MLLT10: variants seen among roughly 807,000 people sequenced by gnomAD.
MLLT10 encodes the protein protein AF-10.
In MLLT10, 30 loss-of-function variants were observed where a neutral mutation model predicts 129.1. The observed-to-expected ratio is 0.23, with a 90% confidence interval of 0.17 to 0.32. MLLT10 has a LOEUF of 0.32. Ranked by LOEUF, MLLT10 falls within the 10% of genes least tolerant of loss-of-function variation. MLLT10 has a pLI of 1.00. For synonymous variants in MLLT10, 490 were observed against 446.4 expected (o/e 1.10, Z -1.23); for missense variants, 1,119 against 1,268.3 (o/e 0.88, Z 1.79).
intron 3 of MLLT10, among the ~76,000 whole-genome samples, chr10:21,547,913 T>C (rs1475337314): frequency 6.6e-6 from 1 of 152,220 alleles, no homozygotes; most frequent in East Asian, 1.9e-4. Context: ...ACTCATGTTT[T>C]TGTTCAATCT....
chr10:21,553,718 T>G (rs1277306122), intron 3 of MLLT10, among the ~76,000 whole-genome samples: 1 of 150,324 alleles, frequency 6.7e-6, no homozygotes, highest in Non-Finnish European at 1.5e-5. Flanking sequence ...GACGTGATCT[T>G]GGCTCACTGC....
intron 3 of MLLT10, among the ~76,000 whole-genome samples, chr10:21,539,467 A>T (rs2034692607): frequency 6.7e-6 from 1 of 149,340 alleles, no homozygotes; most frequent in African/African-American, 2.5e-5. Flanking sequence ...GAACTTTTCT[A>T]AACCTCTTAT....
At chr10:21,649,988 C>G (rs1423956326) in intron 8 of MLLT10, among the ~76,000 whole-genome samples, 2 of 152,072 alleles carry the variant, frequency 1.3e-5, no homozygotes, top group Non-Finnish European at 2.9e-5. Context: ...CCTAAAAAGT[C>G]TGAATTAGAA....
chr10:21,682,646 A>T (rs563197907), intron 13 of MLLT10, among the ~76,000 whole-genome samples: 1 of 152,276 alleles, frequency 6.6e-6, no homozygotes, highest in African/African-American at 2.4e-5. Flanking sequence ...GTTTATTAAT[A>T]TATAGAATAC....
chr10:21,548,069 T>C (rs2061954851), intron 3 of MLLT10, among the ~76,000 whole-genome samples: 1 of 152,114 alleles, frequency 6.6e-6, no homozygotes, highest in African/African-American at 2.4e-5. Flanking sequence ...TTTTGCTCTC[T>C]TGGAAGCTAG....
At chr10:21,642,933 A>T (rs2048157487) in intron 8 of MLLT10, among the ~76,000 whole-genome samples, 1 of 152,150 alleles carries the variant, frequency 6.6e-6, no homozygotes, top group Non-Finnish European at 1.5e-5. Flanking sequence ...TTTTAATTAC[A>T]TGTGTCAGAT....
intron 8 of MLLT10, among the ~76,000 whole-genome samples, chr10:21,629,247 CATT>C (rs1443366267): frequency 6.6e-6 from 1 of 151,918 alleles, no homozygotes; most frequent in African/African-American, 2.4e-5. Flanking sequence ...CACACGGTAT[CATT>C]TTCTTTTTCT....
intron 14 of MLLT10, 108 bp downstream of exon 14, chr10:21,714,058 TG>T: frequency 4.6e-6 from 4 of 869,906 alleles, no homozygotes; most frequent in Non-Finnish European, 3.4e-6. Flanking sequence ...TAGGAATTTA[TG>T]AAATACCTCA....
At chr10:21,659,663 A>G (rs772059569) in intron 9 of MLLT10, among the ~76,000 whole-genome samples, 2 of 151,956 alleles carry the variant, frequency 1.3e-5, no homozygotes, top group Non-Finnish European at 2.9e-5. Flanking sequence ...GGTGCCCACC[A>G]CCACGCCTGG....
intron 3 of MLLT10, among the ~76,000 whole-genome samples, chr10:21,570,212 TTGTGTG>T (rs528760884): frequency 1.4e-5 from 2 of 147,846 alleles, no homozygotes; most frequent in South Asian, 2.2e-4. Flanking sequence ...CCAGGCCAAT[TTGTGTG>T]TGTGTGTGTG....
intron 13 of MLLT10, among the ~76,000 whole-genome samples, chr10:21,701,360 G>C (rs562679738): frequency 6.7e-6 from 1 of 149,584 alleles, no homozygotes; most frequent in African/African-American, 2.5e-5. Context: ...GCTGATTTTG[G>C]GTTTGATTTG....
At chr10:21,642,105 C>G (rs2049122069) in intron 8 of MLLT10, among the ~76,000 whole-genome samples, 1 of 152,190 alleles carries the variant, frequency 6.6e-6, no homozygotes, top group Non-Finnish European at 1.5e-5. Context: ...AATCCCAGCA[C>G]TTTGGGAGGC....
rs35036202 is a variant in MLLT10 at position 21,726,681 on chromosome 10, C to CTTTTTTTTTTTTTT, written c.1990+338_1990+351dup. Among the ~76,000 whole-genome samples the CTTTTTTTTTTTTTT allele has an allele frequency of 3.1e-4, 27 of 87,586 alleles. 1 individual carries two copies. The highest frequency in any genetic ancestry group is 1.1e-3 in the African/African-American group (25 of 22,900). The allele number at this position is 87,586 out of a possible 152,430, so 57.5% of individuals were successfully genotyped here. On this transcript the variant is annotated intron_variant, in intron 15 of 22. Coordinates refer to ENST00000307729, the MANE Select transcript of MLLT10 (RefSeq NM_001195626.3). Reference sequence around the variant, plus strand: ...TGCTGTGCTGCAAAATAGCAATGTCCTTTTTTTTTTTTTTTTTTTTTTTTT... The same window carrying CTTTTTTTTTTTTTT: ...TGCTGTGCTGCAAAATAGCAATGTCCTTTTTTTTTTTTTTTTTTTTTTTTTTTTTTTTTTTTTTT...
chr10:21,583,074 G>A (rs932527867), intron 3 of MLLT10, among the ~76,000 whole-genome samples: 2 of 152,174 alleles, frequency 1.3e-5, no homozygotes, highest in African/African-American at 2.4e-5. Context: ...GGAGGCTGAG[G>A]CAGGAGAATT....
intron 5 of MLLT10, among the ~76,000 whole-genome samples, chr10:21,609,353 G>A (rs1347464747): frequency 2.6e-5 from 4 of 152,184 alleles, no homozygotes; most frequent in Admixed American, 6.5e-5. Context: ...TGACCGTTAG[G>A]TATGAATGTG....
At chr10:21,669,089 G>T in intron 9 of MLLT10, 1 of 1,304,880 alleles carries the variant, frequency 7.7e-7, no homozygotes, top group African/African-American at 1.5e-5. Flanking sequence ...AATGTAATTG[G>T]TTTGTAAAAT....
chr10:21,740,590 C>T (rs1490869920), intron 22 of MLLT10, among the ~76,000 whole-genome samples: 1 of 152,124 alleles, frequency 6.6e-6, no homozygotes, highest in Admixed American at 6.5e-5. Context: ...TATTTTACTC[C>T]AAAGTGCTTT....
In MLLT10 at chr10:21,742,385, A is replaced by C. The variant is rs1285267317; in HGVS notation, c.*402A>C. The C allele has an allele frequency of 8.6e-6, 2 of 232,704 alleles. No homozygotes were observed. The highest frequency in any genetic ancestry group is 1.3e-4 in the East Asian group (2 of 15,816). The allele number at this position is 232,704 out of a possible 1,614,324, so 14.4% of individuals were successfully genotyped here. A position where few individuals can be genotyped will look rare whatever the true frequency, so the allele number is the denominator to read the frequency against. On this transcript the variant is annotated 3_prime_UTR_variant, in exon 23 of 23. Transcript: ENST00000307729. ...TACAAACTACTTGATTTTATTGTAC[A>C]AGTTGAAATATGCTCTTTTGTTTGG... is the stretch of plus-strand genomic sequence containing the variant.
rs770775710 is a variant in MLLT10, at chr10:21,673,839, C to G, written c.1541C>G (p.Ser514Cys). 4.3e-6 allele frequency: 7 copies of G among 1,614,040 alleles called. No individual in the cohort carries two copies. The highest frequency in any genetic ancestry group is 2.7e-5 in the African/African-American group (2 of 74,938). Reference protein sequence around the residue: ...VASAAGSITSSSLQKSPTLLR... With the variant: ...VASAAGSITSCSLQKSPTLLR... ...TCAGCTGCAGGAAGCATAACAAGCT[C>G]TAGTCTGCAGAAATCTCCTACATTG... is the stretch of plus-strand genomic sequence containing the variant. Residue 514 changes from serine to cysteine, a missense_variant, in exon 11 of 23, where the codon TCT becomes TGT. This residue lies in a region of MLLT10 where 1,004 missense variants were observed against 1,008.7 expected (regional missense o/e 1.00). Coordinates refer to ENST00000307729, the MANE Select transcript of MLLT10 (RefSeq NM_001195626.3).
Sources: allele counts gnomAD v4.1 joint callset (sites outside exome capture counted in the v4.1 genomes callset), GRCh38; gene constraint gnomAD v4.1.1; regional missense constraint gnomAD v4.1.1; transcripts MANE v1.5; gene names NCBI Gene and HGNC (gene_info 2026-07-23, HGNC 2026-07-21).